Variants in GREB1 observed in about 807,000 individuals in gnomAD.
The protein encoded by GREB1 is growth regulating estrogen receptor binding 1, also known as protein GREB1.
In GREB1, 106 loss-of-function variants were observed where a neutral mutation model predicts 200.7. The ratio of observed to expected loss-of-function variants is 0.53; its 90% CI spans 0.45 to 0.62. The LOEUF is 0.62. Among genes scored for constraint, GREB1 ranks in the 20% least tolerant of loss-of-function variants. The probability of loss-of-function intolerance (pLI) is 0.00; values close to 1 mark genes in which losing one functional copy is unlikely to be tolerated. For synonymous variants in GREB1, 1,132 were observed against 1,092.4 expected (o/e 1.04, Z -0.72); for missense variants, 2,243 against 2,556.8 (o/e 0.88, Z 2.65).
intron 4 of GREB1, among the ~76,000 whole-genome samples, chr2:11,566,966 A>C (rs1677736315): frequency 6.6e-6 from 1 of 152,194 alleles, no homozygotes; most frequent in African/African-American, 2.4e-5. Flanking sequence ...TGTCCTAGGC[A>C]GTCTCAGAAA....
chr2:11,594,993 C>CTTT (rs371356681), intron 11 of GREB1, among the ~76,000 whole-genome samples: 1 of 143,266 alleles, frequency 7.0e-6, no homozygotes. Context: ...TGTGCCTGGC[C>CTTT]TTTTTTTTTT....
intron 1 of GREB1, among the ~76,000 whole-genome samples, chr2:11,490,277 T>C (rs141502451): frequency 2.0e-4 from 31 of 152,322 alleles, no homozygotes; most frequent in Middle Eastern, 3.4e-3. Flanking sequence ...ATTTGCCTAT[T>C]GTGGATATTT....
At chr2:11,553,386 C>A (rs1177661489) in intron 1 of GREB1, among the ~76,000 whole-genome samples, 1 of 151,952 alleles carries the variant, frequency 6.6e-6, no homozygotes, top group Non-Finnish European at 1.5e-5. Flanking sequence ...GTAGTGCCAG[C>A]CACTTGGGGA....
In GREB1 at chr2:11,583,406, G is replaced by A. The variant is rs80000828; in HGVS notation, c.902-1755G>A. Among the ~76,000 whole-genome samples, 14 of 152,324 alleles carry A rather than the reference G, an allele frequency of 9.2e-5. No individual in the cohort carries two copies. In the East Asian group the frequency reaches 2.7e-3, roughly 29 times the overall value. ...AGCTGCGTCAGTGGTTGTTGGGAGG[G>A]CCAAAGGAGCCCACGGCTTTGAAAG... is the stretch of plus-strand genomic sequence containing the variant. On this transcript the variant is annotated intron_variant, in intron 7 of 32. Coordinates refer to ENST00000381486, the MANE Select transcript of GREB1 (RefSeq NM_014668.4).
intron 1 of GREB1, among the ~76,000 whole-genome samples, chr2:11,518,306 G>A (rs1673579418): frequency 1.3e-5 from 2 of 152,186 alleles, no homozygotes; most frequent in Admixed American, 6.5e-5. Flanking sequence ...GTGTATAGGA[G>A]AAAGTAGTCA....
At chr2:11,538,144 G>A (rs988833771) in intron 1 of GREB1, among the ~76,000 whole-genome samples, 1 of 152,178 alleles carries the variant, frequency 6.6e-6, no homozygotes, top group South Asian at 2.1e-4. Context: ...ATGCTCGCTC[G>A]GGCAGAACCT....
chr2:11,595,123 C>A, intron 11 of GREB1, 128 bp from the exon 12 acceptor site: 1 of 777,980 alleles, frequency 1.3e-6, no homozygotes. Context: ...GGAGGTAGAT[C>A]CAGCTGTTAG....
chr2:11,600,894 A>G lies in GREB1; in HGVS notation c.2428A>G (p.Ile810Val), dbSNP rs376180364. The G allele has an allele frequency of 2.4e-5, 39 of 1,614,002 alleles. No homozygotes were observed. The African/African-American group carries it at 4.4e-4, about 18-fold the overall frequency. The change falls in exon 16 of 33, where the codon ATT (isoleucine) becomes GTT (valine). Residue 810 changes from isoleucine to valine, a missense_variant. Ile to Val is a conservative substitution (Grantham distance 29). Around this residue, in one of 3 missense-constraint regions of GREB1, gnomAD observed 1,178 missense variants for 1,387.4 expected, o/e 0.85. Transcript: ENST00000381486. ...CAGGGAGGTGAAGGAGGCCCCCAAC[A>G]TTGTGACACTTCACGTGACCTCCTT... ...NCREVKEAPN[I>V]VTLHVTSFPY...
chr2:11,518,078 A>G (rs1673571761), intron 1 of GREB1, among the ~76,000 whole-genome samples: 2 of 152,194 alleles, frequency 1.3e-5, no homozygotes, highest in South Asian at 4.1e-4. Context: ...CTCAAGAGCA[A>G]AGGAATAAAG....
chr2:11,606,449 T>C (rs1315275337), intron 17 of GREB1, among the ~76,000 whole-genome samples: 1 of 152,198 alleles, frequency 6.6e-6, no homozygotes, highest in Admixed American at 6.5e-5. Flanking sequence ...TCTTTTCCTA[T>C]GTTTATCTGC....
chr2:11,631,278 A>G (rs1246750030), intron 26 of GREB1, among the ~76,000 whole-genome samples: 1 of 152,210 alleles, frequency 6.6e-6, no homozygotes, highest in Non-Finnish European at 1.5e-5. Context: ...TAAAAGATAT[A>G]ACAACCCGAG....
chr2:11,585,703 G>A, intron 8 of GREB1, 59 bp from the exon 9 acceptor site: 2 of 1,594,340 alleles, frequency 1.3e-6, no homozygotes, highest in Non-Finnish European at 1.7e-6. Flanking sequence ...CTGATGTCAG[G>A]TATGTGAGAG....
rs1681514445 is a variant in GREB1, at chr2:11,598,964, A to C, written c.2333+104A>C. 3 of 967,948 alleles carry C rather than the reference A, an allele frequency of 3.1e-6. No homozygotes were observed. In the South Asian group the frequency reaches 4.5e-5, roughly 14 times the overall value. 60.0% of individuals were successfully genotyped at this position (967,948 alleles called of 1,614,324 possible). A position where few individuals can be genotyped will look rare whatever the true frequency, so the allele number is the denominator to read the frequency against. ...GGTACAAATCCTGAAAAGATGGATG[A>C]TGTTTGGGCTTGGTGTTTCTAAGCA... On this transcript the variant is annotated intron_variant, in intron 15 of 32. Transcript: ENST00000381486.
At position 11,634,242 on chromosome 2, in the gene GREB1, C is replaced by G; in HGVS notation, c.5103C>G (p.Ser1701Arg). 6.2e-7 allele frequency: 1 copy of G among 1,614,202 alleles called. No homozygotes were observed. The highest frequency in any genetic ancestry group is 8.5e-7 in the Non-Finnish European group (1 of 1,180,024). Residue 1701 changes from serine to arginine, a missense_variant, in exon 29 of 33, where the codon AGC becomes AGG. Physicochemically the swap from Ser to Arg is moderately radical, Grantham distance 110. Transcript: ENST00000381486. ...TGCTGGGCCTGCGGAAGTGGTCCAGCAAGACCCGGGCCAGCGAGGTGCAAG... is the reference window on the plus strand; with the variant it reads ...TGCTGGGCCTGCGGAAGTGGTCCAGGAAGACCCGGGCCAGCGAGGTGCAAG... ...YALLGLRKWSSKTRASEVQEP... is the reference protein window; with the variant it reads ...YALLGLRKWSRKTRASEVQEP...
At chr2:11,545,319 G>A (rs1292910059) in intron 1 of GREB1, among the ~76,000 whole-genome samples, 2 of 150,426 alleles carry the variant, frequency 1.3e-5, no homozygotes, top group Non-Finnish European at 3.0e-5. Context: ...TTTTAGCAGA[G>A]ACGGGTTGCA....
At chr2:11,536,323 C>T (rs1674291674) in intron 1 of GREB1, among the ~76,000 whole-genome samples, 1 of 152,182 alleles carries the variant, frequency 6.6e-6, no homozygotes, top group Non-Finnish European at 1.5e-5. Flanking sequence ...CAGCACCAAC[C>T]CCGCATGATT....
chr2:11,606,718 A>C (rs1194343300), intron 17 of GREB1, among the ~76,000 whole-genome samples: 1 of 151,246 alleles, frequency 6.6e-6, no homozygotes, highest in East Asian at 1.9e-4. Context: ...CAAATGTGAC[A>C]ATCTCTGCCT....
chr2:11,637,217 G>A (rs1685452156), intron 30 of GREB1, among the ~76,000 whole-genome samples: 1 of 152,168 alleles, frequency 6.6e-6, no homozygotes, highest in Non-Finnish European at 1.5e-5. Flanking sequence ...TCCCAGCTAT[G>A]GGAAAGTTCC....
intron 1 of GREB1, among the ~76,000 whole-genome samples, chr2:11,521,669 C>A (rs1445496435): frequency 6.6e-6 from 1 of 152,218 alleles, no homozygotes; most frequent in African/African-American, 2.4e-5. Context: ...GCTACGGAGC[C>A]TCTCCTTTGT....
Sources: allele counts gnomAD v4.1 joint callset (sites outside exome capture counted in the v4.1 genomes callset), GRCh38; gene constraint gnomAD v4.1.1; regional missense constraint gnomAD v4.1.1; transcripts MANE v1.5; gene names NCBI Gene and HGNC (gene_info 2026-07-23, HGNC 2026-07-21).